The following KAT6B variants were observed in gnomAD, a reference collection of about 807,000 sequenced individuals.
KAT6B encodes lysine acetyltransferase 6B.
Under a neutral mutation model 187.5 loss-of-function variants are expected in KAT6B, and 10 were observed. The observed-to-expected ratio is 0.05, with a 90% CI of 0.03 to 0.09. KAT6B has a LOEUF of 0.09. KAT6B is among the 10% of genes least tolerant of loss of function. KAT6B has a pLI of 1.00. For synonymous variants in KAT6B, 861 were observed against 926.8 expected, an observed-to-expected ratio of 0.93 and a Z score of 1.29; for missense variants, 1,952 against 2,558.9, an observed-to-expected ratio of 0.76 and a Z score of 5.12.
In KAT6B at chr10:74,982,107, A is replaced by G. The variant is rs530787990; in HGVS notation, c.2373+179A>G. Reference sequence around the variant, plus strand: ...GTTTATCTAACCATATTAAGCAACCATTTAGACTGATGAAGAATCCCTACT... The same window carrying G: ...GTTTATCTAACCATATTAAGCAACCGTTTAGACTGATGAAGAATCCCTACT... On this transcript the variant is annotated intron_variant, in intron 11 of 17. Transcript: ENST00000287239. 5.0e-6 allele frequency: 3 copies of G among 594,172 alleles called. No homozygotes were observed. In the African/African-American group the frequency reaches 5.6e-5, roughly 11 times the overall value. 36.8% of individuals were successfully genotyped at this position (594,172 alleles called of 1,614,324 possible). A position where few individuals can be genotyped will look rare whatever the true frequency, so the allele number is the denominator to read the frequency against.
intron 3 of KAT6B, among the ~76,000 whole-genome samples, chr10:74,893,019 T>G (rs1845744378): frequency 6.6e-6 from 1 of 152,234 alleles, no homozygotes; most frequent in African/African-American, 2.4e-5. Flanking sequence ...GAAAGACTTG[T>G]CCTGCCTGCG....
intron 13 of KAT6B, among the ~76,000 whole-genome samples, chr10:75,010,542 A>T (rs1272620994): frequency 6.6e-6 from 1 of 152,200 alleles, no homozygotes; most frequent in African/African-American, 2.4e-5. Context: ...TCCTATTTTT[A>T]AAAATTACAG....
chr10:74,912,668 C>G (rs1429769769), intron 3 of KAT6B, among the ~76,000 whole-genome samples: 1 of 152,126 alleles, frequency 6.6e-6, no homozygotes, highest in African/African-American at 2.4e-5. Flanking sequence ...TATGAGCAGC[C>G]ATATTCAGTT....
At chr10:75,022,302 C>CT (rs1476349642) in intron 16 of KAT6B, 71 bp downstream of exon 16, 5 of 1,538,946 alleles carry the variant, frequency 3.2e-6, no homozygotes, top group East Asian at 4.5e-5. Context: ...GACATTCTGT[C>CT]TATTAGTATT....
intron 3 of KAT6B, among the ~76,000 whole-genome samples, chr10:74,938,685 T>G (rs1849437852): frequency 6.6e-6 from 1 of 152,160 alleles, no homozygotes; most frequent in South Asian, 2.1e-4. Context: ...CTGTCAAACA[T>G]ACATGGAGAG....
intron 3 of KAT6B, among the ~76,000 whole-genome samples, chr10:74,911,272 C>CTTTTTT (rs766011853): frequency 4.4e-5 from 6 of 137,658 alleles, no homozygotes; most frequent in Admixed American, 7.3e-5. Flanking sequence ...CTTTCTTTTT[C>CTTTTTT]TTTTTTTTTT....
chr10:74,876,867 C>A (rs931947439), intron 3 of KAT6B, among the ~76,000 whole-genome samples: 1 of 151,678 alleles, frequency 6.6e-6, no homozygotes, highest in Non-Finnish European at 1.5e-5. Flanking sequence ...GAGCTCAGAT[C>A]GCACCATTGC....
intron 4 of KAT6B, among the ~76,000 whole-genome samples, chr10:74,963,404 C>T (rs1841238232): frequency 6.6e-6 from 1 of 152,144 alleles, no homozygotes; most frequent in Admixed American, 6.5e-5. Context: ...ATTAGCAAAT[C>T]TAAGATAAGT....
chr10:74,902,290 G>T (rs907435397), intron 3 of KAT6B, among the ~76,000 whole-genome samples: 37 of 152,142 alleles, frequency 2.4e-4, no homozygotes, highest in African/African-American at 8.7e-4. Flanking sequence ...CCAGTTAGCT[G>T]GGTCTGAATG....
intron 3 of KAT6B, among the ~76,000 whole-genome samples, chr10:74,945,442 A>T (rs1246524627): frequency 1.3e-5 from 2 of 152,110 alleles, no homozygotes; most frequent in Non-Finnish European, 2.9e-5. Flanking sequence ...TATTACATGG[A>T]TGTATCATTT....
chr10:74,944,681 C>T (rs933093498), intron 3 of KAT6B, among the ~76,000 whole-genome samples: 3 of 151,764 alleles, frequency 2.0e-5, no homozygotes, highest in Admixed American at 6.6e-5. Flanking sequence ...TAGTGGCAGG[C>T]GCCTGTGTTC....
rs1480561302 is a variant in KAT6B at position 75,024,864 on chromosome 10, C to A, written c.3373-94C>A. On this transcript the variant is annotated intron_variant, in intron 16 of 17. Coordinates refer to ENST00000287239, the MANE Select transcript of KAT6B (RefSeq NM_012330.4). ...TACAGAAGTCACCACGTGTAAGATT[C>A]TCAGACACGCGTTCAGTACATGTCT... 4.3e-6 allele frequency: 5 copies of A among 1,170,252 alleles called. No homozygotes were observed. The African/African-American group carries it at 4.6e-5, about 11-fold the overall frequency. 72.5% of individuals were successfully genotyped at this position (1,170,252 alleles called of 1,614,324 possible).
chr10:74,840,630 A>G (rs929755613), intron 2 of KAT6B, among the ~76,000 whole-genome samples: 8 of 152,170 alleles, frequency 5.3e-5, no homozygotes, highest in African/African-American at 9.7e-5. Flanking sequence ...TTGCCCATCT[A>G]TTTGGGATAT....
chr10:74,964,172 G>A (rs1362446259), intron 4 of KAT6B, among the ~76,000 whole-genome samples: 1 of 151,950 alleles, frequency 6.6e-6, no homozygotes, highest in Non-Finnish European at 1.5e-5. Flanking sequence ...AAGATTGGGG[G>A]TTGGGGGAAA....
chr10:74,828,172 G>A (rs1217315882), intron 1 of KAT6B, among the ~76,000 whole-genome samples: 1 of 152,162 alleles, frequency 6.6e-6, no homozygotes, highest in Non-Finnish European at 1.5e-5. Flanking sequence ...GGTGTCCTAT[G>A]CCCCATGAAG....
chr10:75,020,963 C>T (rs1413181997), intron 14 of KAT6B, 150 bp downstream of exon 14: 15 of 981,472 alleles, frequency 1.5e-5, no homozygotes, highest in Non-Finnish European at 1.9e-5. Flanking sequence ...CATGAAATGA[C>T]ACTTTTTTAC....
At chr10:75,020,997 C>A (rs1161875205) in intron 14 of KAT6B, 129 bp from the exon 15 acceptor site, 5 of 1,011,492 alleles carry the variant, frequency 4.9e-6, no homozygotes, top group African/African-American at 3.2e-5. Context: ...GTGTTCTGTA[C>A]CCTCTCATTG....
intron 6 of KAT6B, 99 bp from the exon 7 acceptor site, chr10:74,972,408 A>T: frequency 5.8e-6 from 5 of 865,286 alleles, no homozygotes; most frequent in Non-Finnish European, 7.2e-6. Flanking sequence ...TTCAGCATAC[A>T]GGCATCCTTG....
intron 3 of KAT6B, among the ~76,000 whole-genome samples, chr10:74,938,032 A>C (rs1035834860): frequency 6.6e-5 from 10 of 152,150 alleles, no homozygotes; most frequent in Non-Finnish European, 1.0e-4. Context: ...TGTAACTTCA[A>C]ACTCCTGGGC....
Sources: gnomAD v4.1 joint callset for allele counts (sites outside exome capture counted in the v4.1 genomes callset) on GRCh38, gnomAD v4.1.1 for gene constraint, MANE v1.5 for transcripts, NCBI Gene and HGNC (gene_info 2026-07-23, HGNC 2026-07-21) for gene names.